RBM24: variants seen among roughly 807,000 people sequenced by gnomAD.
RBM24 encodes the protein RNA binding motif protein 24.
RBM24 carries 5 observed loss-of-function variants against 23.6 expected under a neutral mutation model. The ratio of observed to expected loss-of-function variants is 0.21; its 90% CI spans 0.11 to 0.45. The LOEUF (loss-of-function observed/expected upper bound fraction) is 0.45, where lower values mean the gene tolerates loss of function less well. RBM24 is among the 20% of genes least tolerant of loss of function. The pLI, the probability that RBM24 is intolerant of heterozygous loss-of-function variation, is 0.99. For missense variants in RBM24, 252 were observed against 314.6 expected (o/e 0.80, Z 1.51); for synonymous variants, 151 against 129.5 (o/e 1.17, Z -1.13).
intron 3 of RBM24, among the ~76,000 whole-genome samples, chr6:17,291,447 C>T (rs1179599015): frequency 6.6e-6 from 1 of 152,164 alleles, no homozygotes; most frequent in African/African-American, 2.4e-5. Context: ...ACCTCTCTTA[C>T]GTGTGTAGCC....
In RBM24 at chr6:17,289,971, G is replaced by A. The variant is rs757111191; in HGVS notation, c.348-1785G>A. The A allele has an allele frequency of 5.4e-5, 69 of 1,289,236 alleles. 1 individual carries two copies. In the Middle Eastern group the frequency reaches 2.8e-3, roughly 52 times the overall value. The allele number at this position is 1,289,236 out of a possible 1,614,324, so 79.9% of individuals were successfully genotyped here. A position where few individuals can be genotyped will look rare whatever the true frequency, so the allele number is the denominator to read the frequency against. On this transcript the variant is annotated intron_variant, in intron 3 of 3. Transcript: ENST00000379052. ...GTTCTGAGTGTGTGCATGACCACGC[G>A]CCTGGTTTCTGACAAGCAGTTAAGA... is the stretch of plus-strand genomic sequence containing the variant.
Position 17,286,401 on chromosome 6 carries a change from AGGTGTGATGTGAGCTTAGT to A in RBM24, c.347+1695_347+1713del, listed in dbSNP as rs560871626. On this transcript the variant is annotated intron_variant, in intron 3 of 3. Transcript: ENST00000379052. ...ATTAGGGAGGAGAGCATATATCTGAAGGTGTGATGTGAGCTTAGTGGTGGGCTCACACTAATAATCTTGA... is the reference window on the plus strand; with the variant it reads ...ATTAGGGAGGAGAGCATATATCTGAAGGTGGGCTCACACTAATAATCTTGA... Among the ~76,000 whole-genome samples the A allele has an allele frequency of 1.9e-3, 295 of 152,256 alleles. 2 individuals carry two copies. Among genetic ancestry groups the A allele is most frequent in the South Asian group, 3.7e-3 (18 of 4,820 alleles).
At chr6:17,290,918 T>G (rs1370803286) in intron 3 of RBM24, 1 of 1,268,288 alleles carries the variant, frequency 7.9e-7, no homozygotes, top group Admixed American at 2.3e-5. Context: ...TGTGTCCTTA[T>G]GAATTTTATG....
At chr6:17,285,701 C>G (rs893667225) in intron 3 of RBM24, among the ~76,000 whole-genome samples, 5 of 152,290 alleles carry the variant, frequency 3.3e-5, no homozygotes, top group Admixed American at 1.3e-4. Context: ...TTTCACCTTT[C>G]AGATCTAACT....
At chr6:17,283,424 T>C (rs992180525) in intron 2 of RBM24, among the ~76,000 whole-genome samples, 2 of 152,066 alleles carry the variant, frequency 1.3e-5, no homozygotes, top group Admixed American at 1.3e-4. Context: ...GTAAAGGTTT[T>C]GTTTTTTTTT....
chr6:17,282,493 C>A, intron 1 of RBM24: 1 of 479,810 alleles, frequency 2.1e-6, no homozygotes, highest in Non-Finnish European at 3.8e-6. Context: ...TCTAGAGTTC[C>A]AAGAATTTAG....
intron 3 of RBM24, among the ~76,000 whole-genome samples, 191 bp downstream of exon 3, chr6:17,284,902 G>A (rs1760147411): frequency 6.6e-6 from 1 of 152,200 alleles, no homozygotes; most frequent in South Asian, 2.1e-4. Context: ...GACCAAGTAT[G>A]CAGCCTCCAA....
intron 3 of RBM24, among the ~76,000 whole-genome samples, chr6:17,287,175 C>G (rs1417894408): frequency 6.6e-6 from 1 of 152,180 alleles, no homozygotes; most frequent in Non-Finnish European, 1.5e-5. Context: ...CTGTACCTAA[C>G]AAATCACACC....
In RBM24 at chr6:17,293,229, T is replaced by C. The variant is rs1378371279; in HGVS notation, c.*1110T>C. ...TAATAGTAATGCTATTTAAGATATT[T>C]ATTTTTAAGTTTTACTATGCTGCAC... On this transcript the variant is annotated 3_prime_UTR_variant, in exon 4 of 4. Transcript: ENST00000379052. The C allele has an allele frequency of 1.3e-5, 2 of 152,654 alleles. No individual in the cohort carries two copies. The highest frequency in any genetic ancestry group is 2.9e-5 in the Non-Finnish European group (2 of 68,042). The allele number at this position is 152,654 out of a possible 1,614,324, so 9.5% of individuals were successfully genotyped here. A position where few individuals can be genotyped will look rare whatever the true frequency, so the allele number is the denominator to read the frequency against.
chr6:17,290,983 T>C (rs1435026953), intron 3 of RBM24: 16 of 792,560 alleles, frequency 2.0e-5, no homozygotes, highest in Non-Finnish European at 2.6e-5. Flanking sequence ...TCTTTGGGAA[T>C]CACTGCCATG....
intron 3 of RBM24, chr6:17,289,856 CACGTTGTAG>C: frequency 8.5e-7 from 1 of 1,173,444 alleles, no homozygotes; most frequent in Non-Finnish European, 1.1e-6. Context: ...GCCGTGTCTA[CACGTTGTAG>C]ACACGGCAGC....
chr6:17,281,527 C>T lies in RBM24; in HGVS notation c.-55C>T, dbSNP rs1760012262. The T allele has an allele frequency of 1.4e-6, 2 of 1,438,324 alleles. No homozygotes were observed. Among genetic ancestry groups the T allele is most frequent in the East Asian group, 3.0e-5 (1 of 32,954 alleles). The allele number at this position is 1,438,324 out of a possible 1,614,324, so 89.1% of individuals were successfully genotyped here. Reference sequence around the variant, plus strand: ...CGCGGAGCCGGAGGAGGAGGCGCAGCCGCTGCCCGAGCCGCAGCCGCAGCC... The same window carrying T: ...CGCGGAGCCGGAGGAGGAGGCGCAGTCGCTGCCCGAGCCGCAGCCGCAGCC... On this transcript the variant is annotated 5_prime_UTR_variant, in exon 1 of 4. Coordinates refer to ENST00000379052, the MANE Select transcript of RBM24 (RefSeq NM_001143942.2). This position sits in a 1 kb window ranked among gnomAD's most constrained non-coding sequence, Gnocchi z 7.1.
At chr6:17,282,292 G>C (rs752475569) in intron 1 of RBM24, 1 of 1,269,594 alleles carries the variant, frequency 7.9e-7, no homozygotes. Context: ...TTCCTTCCTA[G>C]AGATTTAAGC....
rs1365365083 is a variant in RBM24, at chr6:17,283,707, G to A, written c.292+779G>A. 6.6e-5 allele frequency among the ~76,000 whole-genome samples: 10 copies of A among 152,248 alleles called. 1 individual carries two copies. The South Asian group carries it at 1.7e-3, about 25-fold the overall frequency. On this transcript the variant is annotated intron_variant, in intron 2 of 3. Coordinates refer to ENST00000379052, the MANE Select transcript of RBM24 (RefSeq NM_001143942.2). Reference sequence around the variant, plus strand: ...GCTGGGATTACAGGCGTGAGCCACCGCGCCTGGCCCAAAATGGTAAACCTT... The same window carrying A: ...GCTGGGATTACAGGCGTGAGCCACCACGCCTGGCCCAAAATGGTAAACCTT...
intron 3 of RBM24, chr6:17,288,408 C>G: frequency 3.0e-6 from 3 of 985,200 alleles, no homozygotes; most frequent in Non-Finnish European, 3.6e-6. Context: ...GTAGGGAACT[C>G]TTTTATTGAG....
At chr6:17,284,753 A>G (rs1234465266) in intron 3 of RBM24, 42 bp downstream of exon 3, 28 of 1,484,588 alleles carry the variant, frequency 1.9e-5, no homozygotes, top group Non-Finnish European at 2.6e-5. Flanking sequence ...CAGTATGACT[A>G]TCATTTGTTA....
Position 17,292,030 on chromosome 6 carries a change from A to T in RBM24, c.622A>T (p.Thr208Ser). Residue 208 changes from threonine (T) to serine (S), a missense_variant, in exon 4 of 4, where the codon ACA (threonine) becomes TCA (serine). Thr to Ser is a moderately conservative substitution (Grantham distance 58). Coordinates refer to ENST00000379052, the MANE Select transcript of RBM24 (RefSeq NM_001143942.2). ...GCCAATCACCGCAGCGGCACCTGGG[A>T]CAGCTGCCGCCGCCGCTGCAGCAGC... The part of the protein sequence containing the change: ...QQPITAAAPG[T>S]AAAAAAAAAA... 6.3e-7 allele frequency: 1 copy of T among 1,599,624 alleles called. No homozygotes were observed. The highest frequency in any genetic ancestry group is 8.5e-7 in the Non-Finnish European group (1 of 1,177,000).
At chr6:17,290,428 T>C (rs1760324241) in intron 3 of RBM24, among the ~76,000 whole-genome samples, 1 of 152,070 alleles carries the variant, frequency 6.6e-6, no homozygotes, top group African/African-American at 2.4e-5. Context: ...ATTGCAAGAG[T>C]GAGAATGGAG....
chr6:17,289,746 C>T (rs941513395), intron 3 of RBM24: 31 of 1,053,128 alleles, frequency 2.9e-5, no homozygotes, highest in African/African-American at 3.4e-5. Flanking sequence ...ACATTTTACC[C>T]GCTGGAAACC....
Sources: gnomAD v4.1 joint callset for allele counts (sites outside exome capture counted in the v4.1 genomes callset) on GRCh38, gnomAD v4.1.1 for gene constraint, Gnocchi (gnomAD v3.1) non-coding constraint, MANE v1.5 for transcripts, NCBI Gene and HGNC (gene_info 2026-07-23, HGNC 2026-07-21) for gene names.